Variants in INPP4B observed in about 807,000 individuals in gnomAD.
INPP4B encodes the protein inositol polyphosphate-4-phosphatase type II B.
INPP4B carries 55 observed loss-of-function variants against 122.5 expected under a neutral mutation model. That is an observed-to-expected ratio of 0.45 (90% CI 0.36 to 0.56). The LOEUF (loss-of-function observed/expected upper bound fraction) is 0.56, where lower values mean the gene tolerates loss of function less well. Ranked by LOEUF, INPP4B falls within the 20% of genes least tolerant of loss-of-function variation. The probability of loss-of-function intolerance (pLI) is 0.00; values close to 1 mark genes in which losing one functional copy is unlikely to be tolerated. For synonymous variants in INPP4B, 403 were observed against 388.7 expected, an observed-to-expected ratio of 1.04 and a Z score of -0.43; for missense variants, 1,000 against 1,097.7, an observed-to-expected ratio of 0.91 and a Z score of 1.26.
At chr4:142,049,287 G>T (rs1753211842) in intron 25 of INPP4B, among the ~76,000 whole-genome samples, 1 of 152,024 alleles carries the variant, frequency 6.6e-6, no homozygotes, top group Admixed American at 6.6e-5. Context: ...AATTCTGCTA[G>T]TTCAAAGTTT....
At chr4:142,544,456 A>T (rs1167013765) in intron 2 of INPP4B, among the ~76,000 whole-genome samples, 1 of 152,140 alleles carries the variant, frequency 6.6e-6, no homozygotes, top group Non-Finnish European at 1.5e-5. Context: ...TGGAGGATGC[A>T]GTGCATTTCC....
At chr4:142,254,291 G>A (rs564575107) in intron 11 of INPP4B, among the ~76,000 whole-genome samples, 3 of 147,480 alleles carry the variant, frequency 2.0e-5, no homozygotes, top group Admixed American at 6.9e-5. Context: ...CTAAAAAGCA[G>A]AGCGCCTCTC....
At chr4:142,687,809 AC>A (rs1759588325) in intron 2 of INPP4B, among the ~76,000 whole-genome samples, 1 of 152,074 alleles carries the variant, frequency 6.6e-6, no homozygotes, top group African/African-American at 2.4e-5. Flanking sequence ...CAGGCACCAT[AC>A]GCCTACCCGG....
intron 2 of INPP4B, among the ~76,000 whole-genome samples, chr4:142,579,887 A>AGG (rs1734685897): frequency 6.1e-5 from 7 of 115,630 alleles, no homozygotes; most frequent in African/African-American, 2.0e-4. Flanking sequence ...AGGTAGATAG[A>AGG]TAGATAGATA....
chr4:142,601,770 C>A (rs1196851695), intron 2 of INPP4B, among the ~76,000 whole-genome samples: 2 of 151,684 alleles, frequency 1.3e-5, no homozygotes, highest in African/African-American at 4.8e-5. Flanking sequence ...GAGATCAAGA[C>A]CATCCTGGCT....
chr4:142,791,653 TC>T (rs1176671380), intron 1 of INPP4B, among the ~76,000 whole-genome samples: 2 of 152,096 alleles, frequency 1.3e-5, no homozygotes, highest in African/African-American at 4.8e-5. Flanking sequence ...ACCCATATCT[TC>T]CTACATAAGA....
intron 1 of INPP4B, among the ~76,000 whole-genome samples, chr4:142,763,047 T>C (rs1200423626): frequency 6.6e-6 from 1 of 152,148 alleles, no homozygotes; most frequent in Non-Finnish European, 1.5e-5. Flanking sequence ...AGCCTGGATG[T>C]CCCAGAACTG....
chr4:142,160,403 C>T lies in INPP4B; in HGVS notation c.1518G>A (p.Gly506=). Residue 506 remains glycine, a synonymous_variant, in exon 17 of 26, where the codon GGG becomes GGA. Transcript: ENST00000262992. ...CTGAATGATGTGGTATGGAGTCCTG[C>T]CCTCTCATCACTGGGGGTTGGTCTT... The part of the protein sequence containing the change: ...SPQDQPPVMR[G]QDSIPHHSDY... 1.3e-6 allele frequency: 2 copies of T among 1,599,208 alleles called. No individual in the cohort carries two copies. Among genetic ancestry groups the T allele is most frequent in the Middle Eastern group, 1.7e-4 (1 of 5,864 alleles).
intron 7 of INPP4B, among the ~76,000 whole-genome samples, chr4:142,372,361 C>A (rs886100263): frequency 6.6e-6 from 1 of 152,002 alleles, no homozygotes; most frequent in East Asian, 1.9e-4. Flanking sequence ...AGTTAACAAT[C>A]ATTTACTGTT....
At chr4:142,713,915 G>A (rs1483180567) in intron 2 of INPP4B, among the ~76,000 whole-genome samples, 1 of 152,148 alleles carries the variant, frequency 6.6e-6, no homozygotes, top group South Asian at 2.1e-4. Flanking sequence ...TTCTTCTAAA[G>A]CAGCATTTTA....
At chr4:142,659,971 C>T (rs1347584227) in intron 2 of INPP4B, among the ~76,000 whole-genome samples, 1 of 151,412 alleles carries the variant, frequency 6.6e-6, no homozygotes, top group Non-Finnish European at 1.5e-5. Context: ...GTTAAGGATC[C>T]AGAGGCAGAT....
intron 2 of INPP4B, among the ~76,000 whole-genome samples, chr4:142,588,773 G>C (rs1174459686): frequency 6.6e-6 from 1 of 151,542 alleles, no homozygotes; most frequent in Non-Finnish European, 1.5e-5. Context: ...TTCTCAAATA[G>C]GTCTATAGAT....
intron 9 of INPP4B, among the ~76,000 whole-genome samples, chr4:142,297,641 T>C (rs981123171): frequency 3.3e-5 from 5 of 152,248 alleles, no homozygotes; most frequent in Non-Finnish European, 7.3e-5. Context: ...CAAACGCTGG[T>C]GTCATGCTTC....
intron 11 of INPP4B, among the ~76,000 whole-genome samples, chr4:142,257,921 C>CT (rs1185813767): frequency 6.6e-6 from 1 of 152,196 alleles, no homozygotes; most frequent in African/African-American, 2.4e-5. Context: ...AAGAACAAAG[C>CT]TGGAGACATC....
intron 3 of INPP4B, among the ~76,000 whole-genome samples, chr4:142,444,012 A>C (rs934731225): frequency 6.6e-6 from 1 of 152,136 alleles, no homozygotes; most frequent in Non-Finnish European, 1.5e-5. Flanking sequence ...TATGCTAAAA[A>C]CTCTAGTGGA....
At chr4:142,549,944 T>A (rs1560787797) in intron 2 of INPP4B, among the ~76,000 whole-genome samples, 1 of 152,146 alleles carries the variant, frequency 6.6e-6, no homozygotes. Context: ...GATAAGGCAA[T>A]AGCCTCGTGT....
chr4:142,285,149 T>G (rs933104687), intron 9 of INPP4B, among the ~76,000 whole-genome samples: 1 of 151,824 alleles, frequency 6.6e-6, no homozygotes, highest in African/African-American at 2.4e-5. Flanking sequence ...TGCTTAAAAT[T>G]GAGACTCTGG....
intron 2 of INPP4B, among the ~76,000 whole-genome samples, chr4:142,675,705 A>G (rs189802685): frequency 1.1e-4 from 16 of 152,312 alleles, no homozygotes; most frequent in Admixed American, 4.6e-4. Flanking sequence ...ACATAATTCA[A>G]TAAGTGTAAT....
intron 2 of INPP4B, among the ~76,000 whole-genome samples, chr4:142,512,620 T>C (rs1469900037): frequency 2.0e-5 from 3 of 152,156 alleles, no homozygotes; most frequent in Non-Finnish European, 1.5e-5. Flanking sequence ...CTCCCCAAAA[T>C]TTTCTGTTCC....
Sources: gnomAD v4.1 joint callset for allele counts (sites outside exome capture counted in the v4.1 genomes callset) on GRCh38, gnomAD v4.1.1 for gene constraint, MANE v1.5 for transcripts, NCBI Gene and HGNC (gene_info 2026-07-23, HGNC 2026-07-21) for gene names.